The following CTNNA2 variants were observed in gnomAD, a reference collection of about 807,000 sequenced individuals.
CTNNA2 encodes the protein catenin alpha-2.
A neutral mutation model predicts 101.0 loss-of-function variants in CTNNA2; 42 were observed. That is an observed-to-expected ratio of 0.42 (90% confidence interval 0.32 to 0.54). The LOEUF (loss-of-function observed/expected upper bound fraction) is 0.54, where lower values mean the gene tolerates loss of function less well. Among genes scored for constraint, CTNNA2 ranks in the 20% least tolerant of loss-of-function variants. The pLI is 0.14. For synonymous variants in CTNNA2, 450 were observed against 456.4 expected (o/e 0.99, Z 0.18); for missense variants, 871 against 1,223.1 (o/e 0.71, Z 4.29).
chr2:79,767,460 A>G (rs1365493156), intron 3 of CTNNA2, among the ~76,000 whole-genome samples: 1 of 151,962 alleles, frequency 6.6e-6, no homozygotes, highest in African/African-American at 2.4e-5. Context: ...TTTAATGATC[A>G]CTGTCTGGGC....
intron 2 of CTNNA2, among the ~76,000 whole-genome samples, chr2:79,252,399 A>G (rs962665283): frequency 6.6e-6 from 1 of 151,890 alleles, no homozygotes; most frequent in Admixed American, 6.6e-5. Context: ...CCATTCAGAG[A>G]TTGGTAAAAT....
chr2:80,434,485 CTTT>C (rs1169944635), intron 9 of CTNNA2, among the ~76,000 whole-genome samples: 11 of 89,990 alleles, frequency 1.2e-4, no homozygotes, highest in South Asian at 3.8e-4. Context: ...TTCTGTGTCT[CTTT>C]TTTTTTTTTT....
intron 2 of CTNNA2, among the ~76,000 whole-genome samples, chr2:79,310,747 T>C (rs1432781860): frequency 6.6e-6 from 1 of 152,184 alleles, no homozygotes; most frequent in East Asian, 1.9e-4. Context: ...TTAGAGAAAG[T>C]GGAAGAGAGA....
intron 4 of CTNNA2, among the ~76,000 whole-genome samples, chr2:79,409,719 G>A (rs1482641056): frequency 4.0e-5 from 6 of 148,474 alleles, no homozygotes; most frequent in Admixed American, 3.4e-4. Context: ...AGTATAGTTT[G>A]AAGTCAGGTA....
intron 7 of CTNNA2, among the ~76,000 whole-genome samples, chr2:80,146,468 G>A (rs1703339963): frequency 6.6e-6 from 1 of 151,890 alleles, no homozygotes; most frequent in African/African-American, 2.4e-5. Flanking sequence ...ACTGTCCCTG[G>A]CATGGGCTTT....
intron 4 of CTNNA2, among the ~76,000 whole-genome samples, chr2:79,410,032 G>A (rs914507145): frequency 2.7e-5 from 4 of 149,994 alleles, no homozygotes; most frequent in African/African-American, 9.7e-5. Flanking sequence ...TTGTAAGTTG[G>A]ATTCCTAGGT....
chr2:79,542,961 T>A (rs1673510775), intron 1 of CTNNA2, among the ~76,000 whole-genome samples: 1 of 152,142 alleles, frequency 6.6e-6, no homozygotes, highest in African/African-American at 2.4e-5. Flanking sequence ...ATTTAATAGT[T>A]TGTTTGCATT....
intron 1 of CTNNA2, among the ~76,000 whole-genome samples, chr2:79,596,004 C>T (rs991868434): frequency 2.6e-5 from 4 of 151,230 alleles, no homozygotes; most frequent in African/African-American, 4.9e-5. Context: ...CTTCTATTCC[C>T]GTCCTCTGGA....
At chr2:80,127,154 C>T (rs1395130873) in intron 7 of CTNNA2, among the ~76,000 whole-genome samples, 1 of 152,146 alleles carries the variant, frequency 6.6e-6, no homozygotes, top group African/African-American at 2.4e-5. Context: ...GATTAGGGAG[C>T]CCTGAACAGA....
chr2:80,454,971 T>C (rs1481155983), intron 9 of CTNNA2, among the ~76,000 whole-genome samples: 2 of 152,246 alleles, frequency 1.3e-5, no homozygotes, highest in African/African-American at 2.4e-5. Flanking sequence ...GTCCCTTCTT[T>C]TCACAATTGA....
At chr2:79,817,164 C>A (rs934697598) in intron 3 of CTNNA2, among the ~76,000 whole-genome samples, 1 of 151,914 alleles carries the variant, frequency 6.6e-6, no homozygotes, top group Admixed American at 6.6e-5. Flanking sequence ...TTAGGTATAT[C>A]CCCTAATTCT....
chr2:79,936,453 C>G (rs971196107), intron 7 of CTNNA2, among the ~76,000 whole-genome samples: 1 of 152,102 alleles, frequency 6.6e-6, no homozygotes, highest in African/African-American at 2.4e-5. Flanking sequence ...ACCCGACCCC[C>G]TTTTCCTCCT....
chr2:79,326,756 G>A (rs1288906065), intron 3 of CTNNA2, among the ~76,000 whole-genome samples: 2 of 152,154 alleles, frequency 1.3e-5, no homozygotes, highest in Non-Finnish European at 2.9e-5. Flanking sequence ...GCTTCAAGTT[G>A]TGTTTTTAAA....
intron 1 of CTNNA2, among the ~76,000 whole-genome samples, chr2:79,625,122 T>A (rs1367880665): frequency 2.0e-5 from 3 of 152,096 alleles, no homozygotes; most frequent in African/African-American, 7.2e-5. Context: ...ATTTTTTGAA[T>A]AAAATCTCAA....
At chr2:80,264,939 T>A (rs1465762012) in intron 7 of CTNNA2, among the ~76,000 whole-genome samples, 1 of 151,182 alleles carries the variant, frequency 6.6e-6, no homozygotes, top group Admixed American at 6.6e-5. Flanking sequence ...GACTTTAGTT[T>A]ATCAATGAGA....
At chr2:79,239,058 A>G (rs1674591232) in intron 2 of CTNNA2, among the ~76,000 whole-genome samples, 1 of 152,172 alleles carries the variant, frequency 6.6e-6, no homozygotes, top group African/African-American at 2.4e-5. Flanking sequence ...CTATCAACCC[A>G]TCACCCAGGT....
intron 3 of CTNNA2, among the ~76,000 whole-genome samples, chr2:79,836,450 A>C (rs1168906231): frequency 6.6e-6 from 1 of 152,214 alleles, no homozygotes; most frequent in Non-Finnish European, 1.5e-5. Flanking sequence ...ATCATTTCAC[A>C]GAAGTGAGGT....
chr2:80,370,135 G>A (rs1025679836), intron 7 of CTNNA2, among the ~76,000 whole-genome samples: 1 of 152,144 alleles, frequency 6.6e-6, no homozygotes. Context: ...ATATTGTACT[G>A]CCATGAAACA....
intron 9 of CTNNA2, among the ~76,000 whole-genome samples, chr2:80,505,907 TATAA>T (rs2149541459): frequency 6.6e-6 from 1 of 152,158 alleles, no homozygotes; most frequent in Middle Eastern, 3.2e-3. Flanking sequence ...TTGATCCAGT[TATAA>T]AAGATCTGTA....
Sources: allele counts gnomAD v4.1 joint callset (sites outside exome capture counted in the v4.1 genomes callset), GRCh38; gene constraint gnomAD v4.1.1; transcripts MANE v1.5; gene names NCBI Gene and HGNC (gene_info 2026-07-23, HGNC 2026-07-21).